Variants in FAM120A observed in about 807,000 individuals in gnomAD.
The protein encoded by FAM120A is family with sequence similarity 120 member A.
Under a neutral mutation model 109.7 loss-of-function variants are expected in FAM120A, and 15 were observed. The ratio of observed to expected loss-of-function variants is 0.14; its 90% confidence interval spans 0.09 to 0.21. FAM120A has a LOEUF of 0.21. Among genes scored for constraint, FAM120A ranks in the 10% least tolerant of loss-of-function variants. The pLI is 1.00. For synonymous variants in FAM120A, 493 were observed against 572.8 expected, an observed-to-expected ratio of 0.86 and a Z score of 1.99; for missense variants, 899 against 1,439.3, an observed-to-expected ratio of 0.62 and a Z score of 6.07.
chr9:93,548,115 T>A (rs540700523), intron 11 of FAM120A, among the ~76,000 whole-genome samples: 54 of 150,898 alleles, frequency 3.6e-4, no homozygotes, highest in African/African-American at 9.5e-4. Context: ...AAAAAAAAAA[T>A]TTTTTTTTGA....
chr9:93,531,953 T>C (rs1252033907), intron 9 of FAM120A, among the ~76,000 whole-genome samples: 1 of 152,248 alleles, frequency 6.6e-6, no homozygotes, highest in Non-Finnish European at 1.5e-5. Flanking sequence ...GATTTTATTT[T>C]GATTCTTTGA....
chr9:93,470,568 T>C (rs1215948178), intron 1 of FAM120A, among the ~76,000 whole-genome samples: 5 of 152,164 alleles, frequency 3.3e-5, no homozygotes, highest in Middle Eastern at 3.2e-3. Flanking sequence ...GGCAGTTACA[T>C]TGAGGGTGAA....
intron 3 of FAM120A, among the ~76,000 whole-genome samples, chr9:93,480,128 T>A (rs1858730340): frequency 6.6e-6 from 1 of 152,202 alleles, no homozygotes. Context: ...GGTGACTTCT[T>A]CATACCTCAA....
chr9:93,477,608 T>C (rs1858602511), intron 3 of FAM120A, among the ~76,000 whole-genome samples: 2 of 152,234 alleles, frequency 1.3e-5, no homozygotes, highest in Admixed American at 1.3e-4. Flanking sequence ...TTAAGAGCAC[T>C]GCACCTGTGC....
At chr9:93,539,365 C>T (rs1861621613) in intron 10 of FAM120A, among the ~76,000 whole-genome samples, 1 of 152,194 alleles carries the variant, frequency 6.6e-6, no homozygotes. Context: ...GTTTAATATT[C>T]AGTCTTTCAG....
chr9:93,508,245 G>T (rs1051121282), intron 5 of FAM120A, among the ~76,000 whole-genome samples: 2 of 152,184 alleles, frequency 1.3e-5, no homozygotes, highest in African/African-American at 4.8e-5. Flanking sequence ...TGAAAAAGGT[G>T]CTAATCAGTA....
chr9:93,452,728 G>A lies in FAM120A; in HGVS notation c.474+339G>A. On this transcript the variant is annotated intron_variant, in intron 1 of 17. Transcript: ENST00000277165. The surrounding 1 kb of genome is among the most constrained non-coding windows in gnomAD (Gnocchi z 7.0). ...TTCCCATCCTATTTGAGGCGGGCAG[G>A]CTATCACTCACCTTCAACTTTGACA... 6.3e-7 allele frequency: 1 copy of A among 1,598,158 alleles called. No individual in the cohort carries two copies. Among genetic ancestry groups the A allele is most frequent in the African/African-American group, 1.3e-5 (1 of 75,034 alleles).
chr9:93,533,727 T>A (rs1861416963), intron 10 of FAM120A, among the ~76,000 whole-genome samples: 1 of 152,138 alleles, frequency 6.6e-6, no homozygotes, highest in African/African-American at 2.4e-5. Flanking sequence ...GTTGTTCCTC[T>A]CTCCTGGGCT....
intron 17 of FAM120A, among the ~76,000 whole-genome samples, chr9:93,562,734 C>G (rs186123106): frequency 1.3e-5 from 2 of 150,500 alleles, no homozygotes; most frequent in Non-Finnish European, 3.0e-5. Context: ...GCACAATCTC[C>G]GCTCACTGCA....
At chr9:93,454,838 A>G (rs1441530343) in intron 1 of FAM120A, among the ~76,000 whole-genome samples, 1 of 152,368 alleles carries the variant, frequency 6.6e-6, no homozygotes, top group East Asian at 1.9e-4. Context: ...GTTTAAAACC[A>G]TGATATCACT....
chr9:93,532,588 A>C lies in FAM120A; in HGVS notation c.1909+259A>C, dbSNP rs750416846. On this transcript the variant is annotated intron_variant, in intron 10 of 17. Transcript: ENST00000277165. The surrounding 1 kb of genome is among the most constrained non-coding windows in gnomAD (Gnocchi z 4.3). ...TAAAACAGGTTTACACTTTAAAGTG[A>C]ATGTTGATCTGAAAGCAGACTTGAA... 2.3e-6 allele frequency: 1 copy of C among 443,232 alleles called. No homozygotes were observed. The highest frequency in any genetic ancestry group is 4.1e-6 in the Non-Finnish European group (1 of 241,722). 27.5% of individuals were successfully genotyped at this position (443,232 alleles called of 1,614,324 possible).
Position 93,562,246 on chromosome 9 carries a change from C to G in FAM120A, c.2987C>G (p.Thr996Arg). 6.2e-7 allele frequency: 1 copy of G among 1,614,094 alleles called. No individual in the cohort carries two copies. The highest frequency in any genetic ancestry group is 8.5e-7 in the Non-Finnish European group (1 of 1,179,968). The change falls in exon 17 of 18, where the codon ACA (threonine) becomes AGA (arginine). Residue 996 changes from threonine (T) to arginine (R), a missense_variant. By Grantham distance (71) the Thr-to-Arg change is moderately conservative (BLOSUM62 -1). Transcript: ENST00000277165. Reference sequence around the variant, plus strand: ...GTTATTTCCACCCCAGTGATTAGAACATTTGGAAGAGGTGGAAGGTACTAT... The same window carrying G: ...GTTATTTCCACCCCAGTGATTAGAAGATTTGGAAGAGGTGGAAGGTACTAT... ...RGVISTPVIR[T>R]FGRGGRYYGR...
chr9:93,453,659 G>A (rs1183705681), intron 1 of FAM120A: 1 of 984,088 alleles, frequency 1.0e-6, no homozygotes, highest in Non-Finnish European at 1.2e-6. Context: ...GGAGGCGGCC[G>A]GCAGAGTCCC....
At chr9:93,456,677 A>C (rs12554164) in intron 1 of FAM120A, among the ~76,000 whole-genome samples, 11,622 of 152,266 alleles carry the variant, frequency 0.076, 573 homozygotes, top group Non-Finnish European at 0.1. Context: ...GGGACAAGTC[A>C]TTAGTAACCT....
In FAM120A at chr9:93,527,546, G is replaced by A. The variant is rs182595437; in HGVS notation, c.1506+304G>A. Among the ~76,000 whole-genome samples the A allele has an allele frequency of 8.6e-5, 13 of 151,498 alleles. No homozygotes were observed. In the East Asian group the frequency reaches 1.2e-3, roughly 14 times the overall value. ...TGTGAAAATTCACTGAAAAGGCACCGGGGATGCTAAATTTAACTCCCCCAC... is the reference window on the plus strand; with the variant it reads ...TGTGAAAATTCACTGAAAAGGCACCAGGGATGCTAAATTTAACTCCCCCAC... On this transcript the variant is annotated intron_variant, in intron 8 of 17. Coordinates refer to ENST00000277165, the MANE Select transcript of FAM120A (RefSeq NM_014612.5).
chr9:93,471,236 A>G lies in FAM120A; in HGVS notation c.570A>G (p.Ala190=), dbSNP rs754578372. 16 of 1,614,056 alleles carry G rather than the reference A, an allele frequency of 9.9e-6. No individual in the cohort carries two copies. The East Asian group carries it at 2.9e-4, about 29-fold the overall frequency. The change falls in exon 2 of 18, where the codon GCA becomes GCG. Residue 190 remains alanine (A), a synonymous_variant. Coordinates refer to ENST00000277165, the MANE Select transcript of FAM120A (RefSeq NM_014612.5). The part of the protein sequence containing the change: ...HGLVAYDSDY[A]LCNIPYYFSA... ...TGGTTGCGTATGACTCTGATTATGC[A>G]CTGTGCAACATCCCCTACTATTTCA...
chr9:93,556,322 T>C, intron 12 of FAM120A, 60 bp from the exon 13 acceptor site: 3 of 1,422,152 alleles, frequency 2.1e-6, no homozygotes, highest in African/African-American at 2.8e-5. Flanking sequence ...ACTAAGACTT[T>C]GAAAGAATTT....
chr9:93,463,611 A>G (rs1857889880), intron 1 of FAM120A, among the ~76,000 whole-genome samples: 1 of 152,202 alleles, frequency 6.6e-6, no homozygotes, highest in East Asian at 1.9e-4. Context: ...TTGACTGCCC[A>G]TTGGGAAGAG....
intron 12 of FAM120A, among the ~76,000 whole-genome samples, chr9:93,556,089 G>A (rs748777165): frequency 1.6e-4 from 24 of 152,198 alleles, no homozygotes; most frequent in Admixed American, 3.3e-4. Flanking sequence ...TTTGTCACAC[G>A]TCAGCCTTAA....
Sources: allele counts gnomAD v4.1 joint callset (sites outside exome capture counted in the v4.1 genomes callset), GRCh38; gene constraint gnomAD v4.1.1; non-coding constraint Gnocchi (gnomAD v3.1); transcripts MANE v1.5; gene names NCBI Gene and HGNC (gene_info 2026-07-23, HGNC 2026-07-21).